The following NARS2 variants were observed in gnomAD, a reference collection of about 807,000 sequenced individuals.
NARS2 encodes the protein asparaginyl-tRNA synthetase 2, mitochondrial, also known as asparaginyl-tRNA synthetase.
Under a neutral mutation model 62.9 loss-of-function variants are expected in NARS2, and 60 were observed. The ratio of observed to expected loss-of-function variants is 0.95; its 90% CI spans 0.77 to 1.18. NARS2 has a LOEUF of 1.18. Ranked by LOEUF, NARS2 falls within the 50% of genes most tolerant of loss-of-function variation. The probability of loss-of-function intolerance (pLI) is 0.00; values close to 1 mark genes in which losing one functional copy is unlikely to be tolerated. For missense variants in NARS2, 619 were observed against 576.4 expected, an observed-to-expected ratio of 1.07 and a Z score of -0.76; for synonymous variants, 196 against 200.0, an observed-to-expected ratio of 0.98 and a Z score of 0.17.
At position 78,441,321 on chromosome 11, in the gene NARS2, G is replaced by A. The variant is rs143006038; in HGVS notation, c.1263-204C>T. 3.0e-4 allele frequency among the ~76,000 whole-genome samples: 46 copies of A among 152,264 alleles called. No homozygotes were observed. The East Asian group carries it at 8.3e-3, about 27-fold the overall frequency. ...TAGCACAAGGTGTTATCAAATAAAT[G>A]GTTTACACAATAAATGTTATAGAAA... is the stretch of plus-strand genomic sequence containing the variant. On this transcript the variant is annotated intron_variant, in intron 12 of 13. Coordinates refer to ENST00000281038, the MANE Select transcript of NARS2 (RefSeq NM_024678.6).
At chr11:78,512,331 C>T (rs1860749477) in intron 6 of NARS2, among the ~76,000 whole-genome samples, 1 of 152,176 alleles carries the variant, frequency 6.6e-6, no homozygotes, top group African/African-American at 2.4e-5. Flanking sequence ...TTGATTATTA[C>T]CTGCCAGCTA....
rs139630514 is a variant in NARS2 at position 78,524,757 on chromosome 11, G to T, written c.689+4085C>A. On this transcript the variant is annotated intron_variant, in intron 6 of 13. Coordinates refer to ENST00000281038, the MANE Select transcript of NARS2 (RefSeq NM_024678.6). ...CTCAGTAACAGCAAACATATCCAGT[G>T]ACCCAATTTTGGCTTCTAAATACCA... Among the ~76,000 whole-genome samples, 493 of 151,978 alleles carry T rather than the reference G, an allele frequency of 3.2e-3. 2 individuals are homozygous for T. Among genetic ancestry groups the T allele is most frequent in the African/African-American group, 0.011 (446 of 41,494 alleles).
intron 6 of NARS2, among the ~76,000 whole-genome samples, chr11:78,499,658 AC>A (rs1382580624): frequency 2.0e-5 from 3 of 152,216 alleles, no homozygotes; most frequent in Non-Finnish European, 4.4e-5. Context: ...TCTAATTAGA[AC>A]AAATTTTAAA....
In NARS2 at chr11:78,568,733, AACT is replaced by A. The variant is rs752427815; in HGVS notation, c.268_270del (p.Ser91del). On this transcript the variant is annotated inframe_deletion, in exon 3 of 14. Coordinates refer to ENST00000281038, the MANE Select transcript of NARS2 (RefSeq NM_024678.6). ...ATCAGCTGCCCTTGTACTTCCACAGAACTCCCAAAATTTAATTCTCTATAGTAA... is the reference window on the plus strand; with the variant it reads ...ATCAGCTGCCCTTGTACTTCCACAGACCCAAAATTTAATTCTCTATAGTAA... The A allele has an allele frequency of 6.2e-7, 1 of 1,609,124 alleles. No homozygotes were observed. Among genetic ancestry groups the A allele is most frequent in the Non-Finnish European group, 8.5e-7 (1 of 1,176,520 alleles).
At chr11:78,538,917 C>T (rs1245922947) in intron 5 of NARS2, among the ~76,000 whole-genome samples, 3 of 135,584 alleles carry the variant, frequency 2.2e-5, no homozygotes, top group Non-Finnish European at 3.1e-5. Flanking sequence ...ATGGCGTGAA[C>T]CTGGGAGGCG....
At chr11:78,545,849 T>G (rs977548873) in intron 5 of NARS2, among the ~76,000 whole-genome samples, 2 of 152,170 alleles carry the variant, frequency 1.3e-5, no homozygotes, top group Non-Finnish European at 2.9e-5. Flanking sequence ...ACTCATGCTT[T>G]TTGAACATCT....
intron 9 of NARS2, among the ~76,000 whole-genome samples, chr11:78,475,580 CTTTTTTTTTTTTTTTTT>C (rs377023107): frequency 5.3e-5 from 5 of 93,970 alleles, no homozygotes; most frequent in Admixed American, 1.2e-4. Context: ...TATCATTTGA[CTTTTTTTTTTTTTTTTT>C]TTTTTTTTTT....
chr11:78,511,762 A>G (rs753543019), intron 6 of NARS2, among the ~76,000 whole-genome samples: 4 of 152,162 alleles, frequency 2.6e-5, no homozygotes, highest in Middle Eastern at 3.2e-3. Context: ...TATTTAAAAT[A>G]TATTTAAAAC....
chr11:78,443,506 T>TA, intron 12 of NARS2, 155 bp downstream of exon 12: 2 of 461,550 alleles, frequency 4.3e-6, no homozygotes, highest in East Asian at 3.1e-5. Flanking sequence ...AGCTCAGAGA[T>TA]AAACTAACAA....
In NARS2 at chr11:78,535,730, A is replaced by C. The variant is rs560809484; in HGVS notation, c.595-6794T>G. ...CCACAACCTCTGCCCCGCCAGGTTC[A>C]AGTGAGCCTCCCAAGTAGCTGGGAT... is the stretch of plus-strand genomic sequence containing the variant. On this transcript the variant is annotated intron_variant, in intron 5 of 13. Transcript: ENST00000281038. 1.8e-4 allele frequency among the ~76,000 whole-genome samples: 27 copies of C among 152,054 alleles called. 1 individual carries two copies. In the East Asian group the frequency reaches 4.7e-3, roughly 26 times the overall value.
At chr11:78,475,641 G>A (rs10128737) in intron 9 of NARS2, among the ~76,000 whole-genome samples, 34,838 of 143,026 alleles carry the variant, frequency 0.24, 4,529 homozygotes, top group East Asian at 0.43. Context: ...CTCCCAGGCT[G>A]GAGTGCAGCA....
chr11:78,465,321 C>T (rs1047648921), intron 11 of NARS2, among the ~76,000 whole-genome samples: 55 of 152,378 alleles, frequency 3.6e-4, no homozygotes, highest in Non-Finnish European at 6.6e-4. Context: ...GAGCCGGCTC[C>T]GGCCTTGGCC....
At chr11:78,459,975 G>C (rs1858329502) in intron 11 of NARS2, among the ~76,000 whole-genome samples, 1 of 152,212 alleles carries the variant, frequency 6.6e-6, no homozygotes, top group African/African-American at 2.4e-5. Flanking sequence ...AGGAAATGGT[G>C]ATTGAGTATA....
intron 5 of NARS2, among the ~76,000 whole-genome samples, chr11:78,550,667 C>A (rs574287022): frequency 1.4e-4 from 22 of 152,068 alleles, no homozygotes; most frequent in Non-Finnish European, 2.6e-4. Flanking sequence ...TGCGGCCACT[C>A]CGAAAAATAG....
intron 6 of NARS2, among the ~76,000 whole-genome samples, chr11:78,518,878 T>C (rs72935778): frequency 0.055 from 8,308 of 152,220 alleles, 299 homozygotes; most frequent in Non-Finnish European, 0.086. Context: ...AAGATAAAAA[T>C]AATTTCTATG....
At chr11:78,527,881 G>A (rs1029088509) in intron 6 of NARS2, among the ~76,000 whole-genome samples, 3 of 152,104 alleles carry the variant, frequency 2.0e-5, no homozygotes, top group African/African-American at 4.8e-5. Context: ...AGGCTGAGGC[G>A]GAAGAACCAC....
intron 6 of NARS2, among the ~76,000 whole-genome samples, chr11:78,524,707 C>T (rs1293411585): frequency 6.6e-6 from 1 of 151,948 alleles, no homozygotes; most frequent in Non-Finnish European, 1.5e-5. Flanking sequence ...ACTCTGTCTA[C>T]TGAAAGGTTT....
intron 1 of NARS2, 189 bp from the exon 2 acceptor site, chr11:78,571,633 A>G (rs1856927215): frequency 2.1e-6 from 1 of 487,144 alleles, no homozygotes; most frequent in East Asian, 3.0e-5. Context: ...ACACTTTGGT[A>G]TTCTATCTTT....
chr11:78,566,820 A>G (rs1397807552), intron 3 of NARS2, among the ~76,000 whole-genome samples: 1 of 152,218 alleles, frequency 6.6e-6, no homozygotes, highest in Non-Finnish European at 1.5e-5. Flanking sequence ...ATGGCTCCAC[A>G]TTGAAATATG....
Sources: gnomAD v4.1 joint callset for allele counts (sites outside exome capture counted in the v4.1 genomes callset) on GRCh38, gnomAD v4.1.1 for gene constraint, MANE v1.5 for transcripts, NCBI Gene and HGNC (gene_info 2026-07-23, HGNC 2026-07-21) for gene names.